FAM13A: variants seen among roughly 807,000 people sequenced by gnomAD.
The protein encoded by FAM13A is protein FAM13A.
FAM13A carries 76 observed loss-of-function variants against 129.6 expected under a neutral mutation model. The ratio of observed to expected loss-of-function variants is 0.59; its 90% confidence interval spans 0.49 to 0.71. FAM13A has a LOEUF of 0.71. Ranked by LOEUF, FAM13A falls within the 30% of genes least tolerant of loss-of-function variation. The probability of loss-of-function intolerance (pLI) is 0.00; values close to 1 mark genes in which losing one functional copy is unlikely to be tolerated. For synonymous variants in FAM13A, 443 were observed against 449.9 expected (o/e 0.98, Z 0.20); for missense variants, 1,108 against 1,249.3 (o/e 0.89, Z 1.70).
At chr4:88,929,848 C>T (rs2148771228) in intron 5 of FAM13A, among the ~76,000 whole-genome samples, 1 of 152,200 alleles carries the variant, frequency 6.6e-6, no homozygotes, top group African/African-American at 2.4e-5. Context: ...AGTGATCCTC[C>T]CACCTTGGCC....
intron 11 of FAM13A, among the ~76,000 whole-genome samples, chr4:88,777,748 C>T (rs1242173339): frequency 8.5e-5 from 13 of 152,206 alleles, no homozygotes. Flanking sequence ...AAGCCATTTA[C>T]TCACTGTCTT....
chr4:89,041,608 G>T (rs1209683680), intron 1 of FAM13A, among the ~76,000 whole-genome samples: 1 of 152,116 alleles, frequency 6.6e-6, no homozygotes, highest in Non-Finnish European at 1.5e-5. Context: ...TTTCTTTGTG[G>T]TGACCAATTC....
chr4:88,977,294 G>A (rs542147175), intron 4 of FAM13A, among the ~76,000 whole-genome samples: 2 of 152,084 alleles, frequency 1.3e-5, no homozygotes, highest in African/African-American at 4.8e-5. Context: ...ACTAAGTAAC[G>A]AACAGGTAGG....
At chr4:88,811,814 G>A (rs1353402991) in intron 7 of FAM13A, among the ~76,000 whole-genome samples, 11 of 152,128 alleles carry the variant, frequency 7.2e-5, no homozygotes, top group Admixed American at 7.2e-4. Context: ...TTTCCTTAAC[G>A]ACTTTTATCC....
chr4:88,947,754 C>G (rs1325791776), intron 4 of FAM13A, among the ~76,000 whole-genome samples: 1 of 151,866 alleles, frequency 6.6e-6, no homozygotes. Flanking sequence ...TGAAGTACTG[C>G]CTGATAATAG....
At chr4:88,734,689 G>A (rs1738613889) in intron 21 of FAM13A, among the ~76,000 whole-genome samples, 1 of 152,172 alleles carries the variant, frequency 6.6e-6, no homozygotes, top group Non-Finnish European at 1.5e-5. Flanking sequence ...GTGAAGGGGT[G>A]GTGGTGCCAC....
chr4:88,793,803 A>G (rs1317230119), intron 8 of FAM13A, among the ~76,000 whole-genome samples: 2 of 152,072 alleles, frequency 1.3e-5, no homozygotes, highest in African/African-American at 4.8e-5. Flanking sequence ...GTTTTATGAC[A>G]TAGTATCAGA....
intron 6 of FAM13A, among the ~76,000 whole-genome samples, chr4:88,873,684 G>T (rs1350007488): frequency 6.6e-6 from 1 of 152,096 alleles, no homozygotes; most frequent in East Asian, 1.9e-4. Context: ...AGGACCAGAT[G>T]GATTCACAGC....
intron 1 of FAM13A, among the ~76,000 whole-genome samples, chr4:89,041,665 A>C (rs977111311): frequency 3.9e-5 from 6 of 152,120 alleles, no homozygotes; most frequent in African/African-American, 1.4e-4. Context: ...TCATGCCTGT[A>C]ATCTCAGCAC....
At chr4:88,893,589 C>G (rs1236126524) in intron 6 of FAM13A, among the ~76,000 whole-genome samples, 2 of 149,530 alleles carry the variant, frequency 1.3e-5, no homozygotes, top group East Asian at 2.0e-4. Flanking sequence ...TGCCACTGCA[C>G]TCCAGCCTGG....
chr4:88,729,658 C>G (rs1048262474), intron 23 of FAM13A: 2 of 152,208 alleles, frequency 1.3e-5, no homozygotes, highest in Non-Finnish European at 2.9e-5. Context: ...TCACTCTCCT[C>G]AGACACGAAG....
rs76712261 is a variant in FAM13A at position 88,931,663 on chromosome 4, T to C, written c.759+6425A>G. Among the ~76,000 whole-genome samples the C allele has an allele frequency of 7.3e-3, 1,117 of 152,328 alleles. 33 individuals carry two copies. The East Asian group carries it at 0.11, about 15-fold the overall frequency. On this transcript the variant is annotated intron_variant, in intron 5 of 23. Transcript: ENST00000264344. ...TTGATCTCAACTCTATGATCTGTCA[T>C]GCTATTTAATCATTGCATTTTAAAA... is the stretch of plus-strand genomic sequence containing the variant.
In FAM13A at chr4:88,938,239, A is replaced by G. The variant is rs1754153926; in HGVS notation, c.608T>C (p.Val203Ala). The change falls in exon 5 of 24, where the codon GTG becomes GCG. Residue 203 changes from valine (V) to alanine (A), a missense_variant and splice_region_variant. Physicochemically the swap from Val to Ala is moderately conservative, Grantham distance 64 (BLOSUM62 0). Coordinates refer to ENST00000264344, the MANE Select transcript of FAM13A (RefSeq NM_014883.4). ...ATVFGPNCFH[V>A]PPGLEGMKEQ... ...CTTCATGCCTTCAAGCCCAGGTGGC[A>G]CACTAGAAACAAGAAAGGGAAAGAG... is the stretch of plus-strand genomic sequence containing the variant. The G allele has an allele frequency of 1.9e-6, 3 of 1,598,498 alleles. No homozygotes were observed. Among genetic ancestry groups the G allele is most frequent in the Non-Finnish European group, 2.6e-6 (3 of 1,174,742 alleles).
At chr4:88,983,201 T>A (rs745608275) in intron 4 of FAM13A, among the ~76,000 whole-genome samples, 28 of 152,018 alleles carry the variant, frequency 1.8e-4, no homozygotes, top group Non-Finnish European at 3.4e-4. Context: ...AGTCTCAGAG[T>A]TATACCTTGG....
intron 7 of FAM13A, among the ~76,000 whole-genome samples, chr4:88,835,019 C>A (rs1477615978): frequency 6.6e-6 from 1 of 152,014 alleles, no homozygotes; most frequent in South Asian, 2.1e-4. Flanking sequence ...TCAGATTGTA[C>A]AGAATTGATC....
At chr4:88,803,052 T>C (rs1306740178) in intron 8 of FAM13A, among the ~76,000 whole-genome samples, 1 of 152,190 alleles carries the variant, frequency 6.6e-6, no homozygotes, top group Non-Finnish European at 1.5e-5. Flanking sequence ...AATATGCCAT[T>C]GCTGACCAGC....
chr4:88,861,747 A>T (rs904053028), intron 6 of FAM13A, among the ~76,000 whole-genome samples: 1 of 152,232 alleles, frequency 6.6e-6, no homozygotes, highest in East Asian at 1.9e-4. Context: ...GCATAATTGC[A>T]ATAATAGCTA....
chr4:88,926,992 C>G (rs1187161538), intron 5 of FAM13A, among the ~76,000 whole-genome samples: 1 of 152,150 alleles, frequency 6.6e-6, no homozygotes, highest in South Asian at 2.1e-4. Context: ...CCGACAGACA[C>G]ACACACACAC....
Position 88,864,132 on chromosome 4 carries a change from A to G in FAM13A, c.844-12949T>C, listed in dbSNP as rs145195630. 8.1e-4 allele frequency among the ~76,000 whole-genome samples: 123 copies of G among 152,356 alleles called. 2 individuals are homozygous for G. The East Asian group carries it at 0.023, about 29-fold the overall frequency. ...TAGATATGTGACACCTTACAACCTT[A>G]TTCTGAAAGAGTTTATACTCTACTG... On this transcript the variant is annotated intron_variant, in intron 6 of 23. Transcript: ENST00000264344.
Sources: allele counts gnomAD v4.1 joint callset (sites outside exome capture counted in the v4.1 genomes callset), GRCh38; gene constraint gnomAD v4.1.1; transcripts MANE v1.5; gene names NCBI Gene and HGNC (gene_info 2026-07-23, HGNC 2026-07-21).